The following SERINC5 variants were observed in gnomAD, a reference collection of about 807,000 sequenced individuals.
SERINC5 encodes the protein chromosome 5 open reading frame 12.
A neutral mutation model predicts 63.1 loss-of-function variants in SERINC5; 41 were observed. The ratio of observed to expected loss-of-function variants is 0.65; its 90% CI spans 0.51 to 0.84. SERINC5 has a LOEUF of 0.84. SERINC5 is among the 40% of genes least tolerant of loss of function. The pLI, the probability that SERINC5 is intolerant of heterozygous loss-of-function variation, is 0.00. For missense variants in SERINC5, 523 were observed against 573.0 expected, an observed-to-expected ratio of 0.91 and a Z score of 0.89; for synonymous variants, 222 against 215.2, an observed-to-expected ratio of 1.03 and a Z score of -0.28.
chr5:80,136,901 C>T (rs539524768), downstream of SERINC5, among the ~76,000 whole-genome samples: 5 of 151,938 alleles, frequency 3.3e-5, no homozygotes, highest in South Asian at 2.1e-4. Flanking sequence ...TTTGGGAGGC[C>T]GAGGCAGGCA....
At chr5:80,210,126 T>C (rs954491106) in intron 1 of SERINC5, among the ~76,000 whole-genome samples, 1 of 152,190 alleles carries the variant, frequency 6.6e-6, no homozygotes, top group African/African-American at 2.4e-5. Context: ...GTGGTATTGC[T>C]GTATGTTGGG....
At chr5:80,187,517 A>G (rs1327515304) in intron 2 of SERINC5, among the ~76,000 whole-genome samples, 1 of 151,866 alleles carries the variant, frequency 6.6e-6, no homozygotes, top group East Asian at 1.9e-4. Context: ...GGAAACACTA[A>G]AATCAGCTTC....
chr5:80,163,544 G>A (rs1206635696), intron 7 of SERINC5, among the ~76,000 whole-genome samples: 1 of 150,104 alleles, frequency 6.7e-6, no homozygotes, highest in Non-Finnish European at 1.5e-5. Context: ...ACTTTATTGA[G>A]GGTTTTTTTT....
intron 1 of SERINC5, among the ~76,000 whole-genome samples, chr5:80,217,462 G>A (rs1001328750): frequency 3.9e-5 from 6 of 152,160 alleles, no homozygotes; most frequent in Non-Finnish European, 5.9e-5. Context: ...TATGCTCGGG[G>A]ATGGAAACAG....
rs1222437698 is a variant in SERINC5, at chr5:80,141,976, AG to A, written c.*1686del. Reference sequence around the variant, plus strand: ...GAGAAGGGCAAAGGAATGAATAGAAAGAATTTCACTAATTTCACCCACCAGC... The same window carrying A: ...GAGAAGGGCAAAGGAATGAATAGAAAAATTTCACTAATTTCACCCACCAGC... On this transcript the variant is annotated 3_prime_UTR_variant, in exon 12 of 12. Coordinates refer to ENST00000507668, the MANE Select transcript of SERINC5 (RefSeq NM_001174072.3). 4.1e-6 allele frequency: 4 copies of A among 985,324 alleles called. No homozygotes were observed. The highest frequency in any genetic ancestry group is 4.8e-6 in the Non-Finnish European group (4 of 829,946). 61.0% of individuals were successfully genotyped at this position (985,324 alleles called of 1,614,324 possible).
intron 7 of SERINC5, among the ~76,000 whole-genome samples, chr5:80,161,276 C>A (rs1746905374): frequency 6.6e-6 from 1 of 152,122 alleles, no homozygotes; most frequent in Non-Finnish European, 1.5e-5. Context: ...AAATCTCCCA[C>A]TGTTTCCCAT....
rs150129417 is a variant in SERINC5 at position 80,181,234 on chromosome 5, C to A, written c.196-3170G>T. 7.0e-4 allele frequency among the ~76,000 whole-genome samples: 107 copies of A among 152,238 alleles called. 1 individual carries two copies. The South Asian group carries it at 0.011, about 16-fold the overall frequency. ...GTTTATTTTCCTTTACACAAACAAA[C>A]AAAGAGTTCCATTTTCTCCCCACTC... On this transcript the variant is annotated intron_variant, in intron 2 of 11. Coordinates refer to ENST00000507668, the MANE Select transcript of SERINC5 (RefSeq NM_001174072.3).
At chr5:80,186,158 C>CAA (rs1483789234) in intron 2 of SERINC5, among the ~76,000 whole-genome samples, 1 of 113,850 alleles carries the variant, frequency 8.8e-6, no homozygotes, top group African/African-American at 3.4e-5. Flanking sequence ...AAAAAAAAGA[C>CAA]AGAGTTTCAC....
intron 1 of SERINC5, among the ~76,000 whole-genome samples, chr5:80,244,831 A>G (rs1752101973): frequency 6.6e-6 from 1 of 152,054 alleles, no homozygotes; most frequent in African/African-American, 2.4e-5. Flanking sequence ...CAAAAAAACA[A>G]AAACAAACAA....
At position 80,175,612 on chromosome 5, in the gene SERINC5, C is replaced by T. The variant is rs542290983; in HGVS notation, c.458-565G>A. On this transcript the variant is annotated intron_variant, in intron 4 of 11. Transcript: ENST00000507668. ...GGCTGGGCACAGTGGCTCATGCCTG[C>T]AATCCTAGCACTTTGGGAGGCTGAG... 1.2e-3 allele frequency among the ~76,000 whole-genome samples: 183 copies of T among 152,026 alleles called. 2 individuals carry two copies. Among genetic ancestry groups the T allele is most frequent in the Non-Finnish European group, 1.9e-4 (13 of 67,970 alleles).
chr5:80,249,131 G>A (rs954029833), intron 1 of SERINC5, among the ~76,000 whole-genome samples: 14 of 152,120 alleles, frequency 9.2e-5, no homozygotes, highest in African/African-American at 3.4e-4. Context: ...TGACTAACAT[G>A]GTGAAACCCC....
At chr5:80,116,080 G>A (rs1337494241) in intron 11 of SERINC5, 1 of 348,224 alleles carries the variant, frequency 2.9e-6, no homozygotes, top group Non-Finnish European at 5.6e-6. Context: ...TGATGGATGA[G>A]GGGTGTGAGG....
Position 80,146,090 on chromosome 5 carries a change from T to C in SERINC5, c.1238A>G (p.Asn413Ser). 6.2e-7 allele frequency: 1 copy of C among 1,613,982 alleles called. No homozygotes were observed. Among genetic ancestry groups the C allele is most frequent in the Non-Finnish European group, 8.5e-7 (1 of 1,179,838 alleles). ...YVMMTVTNWF[N>S]YESANIESFF... ...ATACCTAAGCAAATGGGCCACTCAC[T>C]TGAACCAGTTGGTGACGGTCATCAT... The change falls in exon 11 of 12, where the codon AAC becomes AGC. Residue 413 changes from asparagine (N) to serine (S), a missense_variant and splice_region_variant. Physicochemically the swap from Asn to Ser is conservative, Grantham distance 46 (BLOSUM62 1). Transcript: ENST00000507668.
intron 5 of SERINC5, 122 bp downstream of exon 5, chr5:80,174,832 C>CA (rs896720811): frequency 8.2e-5 from 49 of 599,904 alleles, no homozygotes; most frequent in Middle Eastern, 3.7e-4. Context: ...TGAAGAGGTA[C>CA]AAAAAAGCAG....
At chr5:80,205,307 T>C (rs1395754668) in intron 1 of SERINC5, among the ~76,000 whole-genome samples, 1 of 152,216 alleles carries the variant, frequency 6.6e-6, no homozygotes, top group Non-Finnish European at 1.5e-5. Flanking sequence ...CTTACTTTTC[T>C]TGGTCGTGAG....
intron 1 of SERINC5, among the ~76,000 whole-genome samples, chr5:80,217,129 T>A (rs1750702697): frequency 6.6e-6 from 1 of 152,060 alleles, no homozygotes; most frequent in African/African-American, 2.4e-5. Flanking sequence ...TATTTTTATT[T>A]TACAAATTTT....
chr5:80,200,536 T>C lies in SERINC5; in HGVS notation c.195+2350A>G, dbSNP rs141341540. On this transcript the variant is annotated intron_variant, in intron 2 of 11. Transcript: ENST00000507668. ...AAAAAAGACTTCATCACTTCTCTTCTGAATTATAAGCTCCATTTCTCGCAA... is the reference window on the plus strand; with the variant it reads ...AAAAAAGACTTCATCACTTCTCTTCCGAATTATAAGCTCCATTTCTCGCAA... Among the ~76,000 whole-genome samples the C allele has an allele frequency of 2.3e-3, 346 of 151,972 alleles. 2 individuals are homozygous for C. The highest frequency in any genetic ancestry group is 3.9e-3 in the Non-Finnish European group (266 of 67,948).
At position 80,147,247 on chromosome 5, in the gene SERINC5, T is replaced by G; in HGVS notation, c.1091A>C (p.Glu364Ala). 2 of 1,602,248 alleles carry G rather than the reference T, an allele frequency of 1.2e-6. No individual in the cohort carries two copies. Among genetic ancestry groups the G allele is most frequent in the Non-Finnish European group, 1.7e-6 (2 of 1,174,892 alleles). The change falls in exon 10 of 12, where the codon GAG (glutamate) becomes GCG (alanine). Residue 364 changes from glutamate to alanine, a missense_variant and splice_region_variant. Glu to Ala is a moderately radical substitution (Grantham distance 107, BLOSUM62 -1). Coordinates refer to ENST00000507668, the MANE Select transcript of SERINC5 (RefSeq NM_001174072.3). ...RCCFCFSPGG[E>A]DTEEQQPGKE... ...AAGAATAAAAGCGCTCTGCTTACCCTCTCCACCAGGACTGAAGCAAAAACA... is the reference window on the plus strand; with the variant it reads ...AAGAATAAAAGCGCTCTGCTTACCCGCTCCACCAGGACTGAAGCAAAAACA...
intron 3 of SERINC5, 125 bp from the exon 4 acceptor site, chr5:80,177,522 C>G (rs1050800693): frequency 2.7e-6 from 2 of 753,354 alleles, no homozygotes; most frequent in African/African-American, 3.5e-5. Flanking sequence ...CTCTCCTAAT[C>G]AAGGGGAAGT....
Sources: allele counts gnomAD v4.1 joint callset (sites outside exome capture counted in the v4.1 genomes callset), GRCh38; gene constraint gnomAD v4.1.1; transcripts MANE v1.5; gene names NCBI Gene and HGNC (gene_info 2026-07-23, HGNC 2026-07-21).